Variants in LRCH1 observed in about 807,000 individuals in gnomAD.
The protein encoded by LRCH1 is leucine rich repeats and calponin homology domain containing 1.
LRCH1 carries 23 observed loss-of-function variants against 94.9 expected under a neutral mutation model. The observed-to-expected ratio is 0.24, with a 90% CI of 0.17 to 0.34. LRCH1 has a LOEUF of 0.34. LRCH1 is among the 10% of genes least tolerant of loss of function. The pLI, the probability that LRCH1 is intolerant of heterozygous loss-of-function variation, is 1.00. For missense variants in LRCH1, 790 were observed against 945.9 expected, an observed-to-expected ratio of 0.84 and a Z score of 2.16; for synonymous variants, 364 against 354.9, an observed-to-expected ratio of 1.03 and a Z score of -0.29.
At chr13:46,729,254 C>T (rs1195442506) in intron 18 of LRCH1, among the ~76,000 whole-genome samples, 1 of 152,078 alleles carries the variant, frequency 6.6e-6, no homozygotes, top group Non-Finnish European at 1.5e-5. Flanking sequence ...AAATAACTTA[C>T]TGGGCGGGCA....
intron 3 of LRCH1, among the ~76,000 whole-genome samples, chr13:46,675,198 G>A (rs1254219958): frequency 6.6e-6 from 1 of 152,232 alleles, no homozygotes; most frequent in Admixed American, 6.5e-5. Flanking sequence ...AAGAGATGCT[G>A]TATAAATGCC....
chr13:46,634,184 G>A (rs919106556), intron 1 of LRCH1, among the ~76,000 whole-genome samples: 10 of 151,986 alleles, frequency 6.6e-5, no homozygotes, highest in Admixed American at 1.3e-4. Context: ...AGCCTTTCCT[G>A]CATTTCTTTT....
chr13:46,668,224 A>T (rs945032602), intron 2 of LRCH1, among the ~76,000 whole-genome samples: 2 of 152,090 alleles, frequency 1.3e-5, no homozygotes, highest in Non-Finnish European at 2.9e-5. Context: ...TTATTTATCT[A>T]GTATTTTCCA....
Position 46,742,084 on chromosome 13 carries a change from A to T in LRCH1, c.*236A>T, listed in dbSNP as rs1167223680. The T allele has an allele frequency of 1.5e-6, 2 of 1,373,694 alleles. No homozygotes were observed. The highest frequency in any genetic ancestry group is 1.9e-6 in the Non-Finnish European group (2 of 1,062,490). 85.1% of individuals were successfully genotyped at this position (1,373,694 alleles called of 1,614,324 possible). A position where few individuals can be genotyped will look rare whatever the true frequency, so the allele number is the denominator to read the frequency against. On this transcript the variant is annotated 3_prime_UTR_variant, in exon 20 of 20. Transcript: ENST00000389797. ...TACAACGACGACGACTGCAAAGTGT[A>T]TGCACACCGCATGCTTCCTCATCCA... is the stretch of plus-strand genomic sequence containing the variant.
intron 2 of LRCH1, among the ~76,000 whole-genome samples, chr13:46,660,250 G>A (rs7998511): frequency 0.016 from 2,422 of 151,754 alleles, 62 homozygotes; most frequent in African/African-American, 0.055. Context: ...TCCTGACTTC[G>A]TGATCCACCC....
intron 1 of LRCH1, among the ~76,000 whole-genome samples, chr13:46,565,457 A>G (rs937822998): frequency 6.6e-6 from 1 of 152,130 alleles, no homozygotes; most frequent in Non-Finnish European, 1.5e-5. Flanking sequence ...ACAAGACCAC[A>G]TCTTCTGGGT....
intron 1 of LRCH1, among the ~76,000 whole-genome samples, chr13:46,582,126 G>A (rs966499665): frequency 4.1e-5 from 6 of 145,552 alleles, no homozygotes; most frequent in African/African-American, 1.5e-4. Context: ...CTCCAGCCTG[G>A]GCGGCAGAGA....
intron 1 of LRCH1, 25 bp downstream of exon 1, chr13:46,553,728 A>AGGGGTGT: frequency 6.2e-7 from 1 of 1,603,350 alleles, no homozygotes; most frequent in Non-Finnish European, 8.5e-7. Context: ...AGGGGCGGGC[A>AGGGGTGT]GGGGTGTGGG....
chr13:46,573,864 A>ATT lies in LRCH1; in HGVS notation c.307+20162_307+20163insTT, dbSNP rs1379306188. On this transcript the variant is annotated intron_variant, in intron 1 of 19. Coordinates refer to ENST00000389797, the MANE Select transcript of LRCH1 (RefSeq NM_001164211.2). Reference sequence around the variant, plus strand: ...TAGTCAAATATATATATATATATATATATTTTTTTTTTTTTTGAGATGGAG... The same window carrying ATT: ...TAGTCAAATATATATATATATATATATTTATTTTTTTTTTTTTTGAGATGGAG... Among the ~76,000 whole-genome samples the ATT allele has an allele frequency of 7.7e-3, 463 of 59,928 alleles. 11 individuals carry two copies. Among genetic ancestry groups the ATT allele is most frequent in the African/African-American group, 0.032 (433 of 13,480 alleles). The allele number at this position is 59,928 out of a possible 152,430, so 39.3% of individuals were successfully genotyped here. A position where few individuals can be genotyped will look rare whatever the true frequency, so the allele number is the denominator to read the frequency against.
At chr13:46,556,568 G>A (rs1356498457) in intron 1 of LRCH1, among the ~76,000 whole-genome samples, 3 of 152,082 alleles carry the variant, frequency 2.0e-5, no homozygotes, top group South Asian at 2.1e-4. Flanking sequence ...CACTGGGTGC[G>A]CCTCTCTATG....
intron 2 of LRCH1, among the ~76,000 whole-genome samples, chr13:46,657,502 T>TC: frequency 5.3e-5 from 1 of 18,696 alleles, no homozygotes; most frequent in African/African-American, 2.8e-4. Context: ...TTTCTTTTCT[T>TC]TTTTTTTTTT....
chr13:46,631,516 G>A (rs1443380119), intron 1 of LRCH1, among the ~76,000 whole-genome samples: 2 of 152,168 alleles, frequency 1.3e-5, no homozygotes, highest in African/African-American at 4.8e-5. Context: ...GTGGAAGACC[G>A]TTAGTATGTA....
At chr13:46,738,633 C>A (rs1566259709) in intron 19 of LRCH1, among the ~76,000 whole-genome samples, 2 of 152,180 alleles carry the variant, frequency 1.3e-5, no homozygotes, top group Admixed American at 1.3e-4. Context: ...TTCCCCAAGT[C>A]AATGACTTTA....
chr13:46,746,161 G>A (rs1394611203), downstream of LRCH1, among the ~76,000 whole-genome samples: 1 of 152,182 alleles, frequency 6.6e-6, no homozygotes, highest in Non-Finnish European at 1.5e-5. Context: ...GGACTTACCA[G>A]CTGTTTAGTG....
In LRCH1 at chr13:46,591,893, A is replaced by G. The variant is rs559864358; in HGVS notation, c.307+38190A>G. ...AGAGGAGCTCATTTATCGATTTGCA[A>G]CCTAAGTATTAGCCATGGAGTCATT... On this transcript the variant is annotated intron_variant, in intron 1 of 19. Transcript: ENST00000389797. Among the ~76,000 whole-genome samples, 7 of 152,372 alleles carry G rather than the reference A, an allele frequency of 4.6e-5. No homozygotes were observed. In the South Asian group the frequency reaches 1.4e-3, roughly 32 times the overall value.
At chr13:46,555,864 A>G (rs973197672) in intron 1 of LRCH1, among the ~76,000 whole-genome samples, 1 of 152,238 alleles carries the variant, frequency 6.6e-6, no homozygotes, top group African/African-American at 2.4e-5. Flanking sequence ...TGTAAACCAC[A>G]TGTACTCTTT....
At chr13:46,607,424 G>T (rs918837334) in intron 1 of LRCH1, among the ~76,000 whole-genome samples, 2 of 152,042 alleles carry the variant, frequency 1.3e-5, no homozygotes, top group African/African-American at 4.8e-5. Flanking sequence ...TTTTTATTTT[G>T]TTTTGGTGCT....
Position 46,575,409 on chromosome 13 carries a change from G to T in LRCH1, c.307+21706G>T, listed in dbSNP as rs2050292342. On this transcript the variant is annotated intron_variant, in intron 1 of 19. Coordinates refer to ENST00000389797, the MANE Select transcript of LRCH1 (RefSeq NM_001164211.2). Reference sequence around the variant, plus strand: ...ACCTTGTGACTCTGGTGATAGAACTGGGCGTGGGAGGGCTTTCTCATTCAT... The same window carrying T: ...ACCTTGTGACTCTGGTGATAGAACTTGGCGTGGGAGGGCTTTCTCATTCAT... Among the ~76,000 whole-genome samples the T allele has an allele frequency of 2.0e-5, 3 of 152,156 alleles. 1 individual carries two copies. The South Asian group carries it at 6.2e-4, about 32-fold the overall frequency.
At chr13:46,614,252 A>G (rs540599623) in intron 1 of LRCH1, among the ~76,000 whole-genome samples, 8 of 152,288 alleles carry the variant, frequency 5.3e-5, no homozygotes, top group South Asian at 2.1e-4. Context: ...GCTTTGATCT[A>G]TATCTCCCCA....
Sources: gnomAD v4.1 joint callset for allele counts (sites outside exome capture counted in the v4.1 genomes callset) on GRCh38, gnomAD v4.1.1 for gene constraint, MANE v1.5 for transcripts, NCBI Gene and HGNC (gene_info 2026-07-23, HGNC 2026-07-21) for gene names.